SGCZ: variants seen among roughly 807,000 people sequenced by gnomAD.
The protein encoded by SGCZ is zeta-sarcoglycan.
SGCZ carries 40 observed loss-of-function variants against 41.3 expected under a neutral mutation model. That is an observed-to-expected ratio of 0.97 (90% CI 0.75 to 1.26). The LOEUF is 1.26. Among genes scored for constraint, SGCZ ranks in the 50% most tolerant of loss-of-function variants. The probability of loss-of-function intolerance (pLI) is 0.00; values close to 1 mark genes in which losing one functional copy is unlikely to be tolerated. For synonymous variants in SGCZ, 206 were observed against 137.5 expected (o/e 1.50, Z -3.49); for missense variants, 552 against 369.8 (o/e 1.49, Z -4.04).
intron 1 of SGCZ, among the ~76,000 whole-genome samples, chr8:14,632,754 T>C (rs914871346): frequency 1.3e-5 from 2 of 152,122 alleles, no homozygotes; most frequent in African/African-American, 4.8e-5. Flanking sequence ...CAATATTCTA[T>C]TTCTATATTG....
chr8:15,206,037 G>A (rs768395258), intron 1 of SGCZ, among the ~76,000 whole-genome samples: 1 of 152,152 alleles, frequency 6.6e-6, no homozygotes, highest in Non-Finnish European at 1.5e-5. Flanking sequence ...AGGATGGAGG[G>A]TGGGAGGAGG....
At chr8:14,242,087 G>C (rs749657596) in intron 3 of SGCZ, among the ~76,000 whole-genome samples, 8 of 152,096 alleles carry the variant, frequency 5.3e-5, no homozygotes, top group Non-Finnish European at 1.0e-4. Context: ...CAATAAACCA[G>C]ATAATTAACA....
intron 2 of SGCZ, among the ~76,000 whole-genome samples, chr8:14,479,355 T>C (rs1801456387): frequency 6.6e-6 from 1 of 152,148 alleles, no homozygotes; most frequent in East Asian, 1.9e-4. Flanking sequence ...GAGTCTCGTA[T>C]TTCCTCTTTG....
At chr8:14,169,629 C>A (rs1342188164) in intron 4 of SGCZ, among the ~76,000 whole-genome samples, 1 of 152,162 alleles carries the variant, frequency 6.6e-6, no homozygotes, top group East Asian at 1.9e-4. Flanking sequence ...TGTAGCCAGT[C>A]CACAGGGGTA....
intron 5 of SGCZ, among the ~76,000 whole-genome samples, chr8:14,153,666 C>T (rs1803783159): frequency 6.6e-6 from 1 of 152,092 alleles, no homozygotes; most frequent in African/African-American, 2.4e-5. Context: ...AACCCCCTAC[C>T]AAGCCAACTG....
At chr8:15,001,850 A>G (rs1039510740) in intron 1 of SGCZ, among the ~76,000 whole-genome samples, 1 of 152,158 alleles carries the variant, frequency 6.6e-6, no homozygotes, top group Non-Finnish European at 1.5e-5. Context: ...GTAGAAATTA[A>G]GACCCAGAGA....
chr8:14,906,693 G>A (rs1399736528), intron 1 of SGCZ, among the ~76,000 whole-genome samples: 1 of 152,152 alleles, frequency 6.6e-6, no homozygotes, highest in East Asian at 1.9e-4. Flanking sequence ...TTACAAGAAT[G>A]AAGATCAAAC....
At chr8:14,678,260 C>T (rs1808337002) in intron 1 of SGCZ, among the ~76,000 whole-genome samples, 1 of 152,056 alleles carries the variant, frequency 6.6e-6, no homozygotes. Context: ...AAAAGATAAG[C>T]TACAGGCTAA....
intron 1 of SGCZ, among the ~76,000 whole-genome samples, chr8:15,099,223 CAAT>C (rs1268282284): frequency 6.6e-6 from 1 of 151,848 alleles, no homozygotes; most frequent in Admixed American, 6.6e-5. Flanking sequence ...CTTGTGTCTT[CAAT>C]AATAAGACAT....
At chr8:14,205,492 C>G (rs1805588603) in intron 4 of SGCZ, among the ~76,000 whole-genome samples, 1 of 152,162 alleles carries the variant, frequency 6.6e-6, no homozygotes, top group African/African-American at 2.4e-5. Flanking sequence ...AAACCACAGT[C>G]TAAACATTGC....
At position 14,990,314 on chromosome 8, in the gene SGCZ, G is replaced by A. The variant is rs898273754; in HGVS notation, c.39+247271C>T. Among the ~76,000 whole-genome samples, 11 of 152,074 alleles carry A rather than the reference G, an allele frequency of 7.2e-5. No homozygotes were observed. The East Asian group carries it at 2.1e-3, about 29-fold the overall frequency. ...CATCCCTTTTAAAAAGTCCCTTGAG[G>A]CCAGGGTCCCTAATCCCCAGGTACC... On this transcript the variant is annotated intron_variant, in intron 1 of 7. Coordinates refer to ENST00000382080, the MANE Select transcript of SGCZ (RefSeq NM_139167.4).
intron 4 of SGCZ, among the ~76,000 whole-genome samples, chr8:14,176,975 C>T (rs764526833): frequency 1.3e-5 from 2 of 152,182 alleles, no homozygotes; most frequent in Non-Finnish European, 2.9e-5. Context: ...TCTTTGGTCT[C>T]TGAGCTCCTT....
chr8:14,110,958 G>C (rs1282387678), intron 5 of SGCZ, among the ~76,000 whole-genome samples: 1 of 152,058 alleles, frequency 6.6e-6, no homozygotes, highest in South Asian at 2.1e-4. Context: ...GGAGGCTGAG[G>C]CAGGAGAATA....
At chr8:14,669,569 C>T (rs949750942) in intron 1 of SGCZ, among the ~76,000 whole-genome samples, 2 of 151,890 alleles carry the variant, frequency 1.3e-5, no homozygotes, top group Non-Finnish European at 2.9e-5. Context: ...TAAGATCATG[C>T]AGTATTTGTC....
chr8:15,076,753 C>T lies in SGCZ; in HGVS notation c.39+160832G>A, dbSNP rs899093159. 6.7e-4 allele frequency among the ~76,000 whole-genome samples: 97 copies of T among 143,774 alleles called. 1 individual carries two copies. Among genetic ancestry groups the T allele is most frequent in the African/African-American group, 2.3e-3 (85 of 37,150 alleles). The allele number at this position is 143,774 out of a possible 152,430, so 94.3% of individuals were successfully genotyped here. On this transcript the variant is annotated intron_variant, in intron 1 of 7. Transcript: ENST00000382080. ...TCAAGGAACTTAAATAAGTCTCTCT[C>T]ATTTTTTTTTTTTTTTTGCTTCCCT...
chr8:14,737,865 G>C (rs1799091699), intron 1 of SGCZ, among the ~76,000 whole-genome samples: 1 of 152,086 alleles, frequency 6.6e-6, no homozygotes, highest in Non-Finnish European at 1.5e-5. Context: ...ATTTTAGGTA[G>C]AAGAGAGTTT....
chr8:14,815,243 C>CTTTTT (rs35797553), intron 1 of SGCZ, among the ~76,000 whole-genome samples: 7 of 144,022 alleles, frequency 4.9e-5, no homozygotes, highest in Middle Eastern at 3.6e-3. Context: ...TCTCAATTTT[C>CTTTTT]TTTTTTTTTT....
chr8:14,269,016 AAG>A (rs1301743964), intron 3 of SGCZ, among the ~76,000 whole-genome samples: 4 of 152,002 alleles, frequency 2.6e-5, no homozygotes, highest in African/African-American at 9.7e-5. Flanking sequence ...TAAAACAAAA[AAG>A]AATATATAAA....
intron 2 of SGCZ, among the ~76,000 whole-genome samples, chr8:14,388,586 T>G (rs1804654210): frequency 6.6e-6 from 1 of 152,034 alleles, no homozygotes. Flanking sequence ...GTACGAGAAC[T>G]TCAACCTGAA....
Sources: gnomAD v4.1 joint callset for allele counts (sites outside exome capture counted in the v4.1 genomes callset) on GRCh38, gnomAD v4.1.1 for gene constraint, MANE v1.5 for transcripts, NCBI Gene and HGNC (gene_info 2026-07-23, HGNC 2026-07-21) for gene names.